BACE2: variants seen among roughly 807,000 people sequenced by gnomAD.
The protein encoded by BACE2 is beta-secretase 2, also known as 56 kDa aspartic-like protease.
Under a neutral mutation model 46.2 loss-of-function variants are expected in BACE2, and 17 were observed. The ratio of observed to expected loss-of-function variants is 0.37; its 90% confidence interval spans 0.25 to 0.55. The LOEUF is 0.55. Among genes scored for constraint, BACE2 ranks in the 20% least tolerant of loss-of-function variants. The probability of loss-of-function intolerance (pLI) is 0.82; values close to 1 mark genes in which losing one functional copy is unlikely to be tolerated. For missense variants in BACE2, 595 were observed against 698.1 expected, an observed-to-expected ratio of 0.85 and a Z score of 1.66; for synonymous variants, 277 against 295.9, an observed-to-expected ratio of 0.94 and a Z score of 0.66.
At chr21:41,268,596 C>T (rs940397351) in intron 8 of BACE2, among the ~76,000 whole-genome samples, 1 of 152,076 alleles carries the variant, frequency 6.6e-6, no homozygotes, top group Non-Finnish European at 1.5e-5. Flanking sequence ...AAAACAAAAT[C>T]CATGACTCTT....
At chr21:41,226,459 G>A in intron 2 of BACE2, 105 bp downstream of exon 2, 1 of 982,530 alleles carries the variant, frequency 1.0e-6, no homozygotes. Flanking sequence ...TTCATTTTAA[G>A]GGGGATACCA....
chr21:41,264,589 GGA>G (rs138828726), intron 8 of BACE2, among the ~76,000 whole-genome samples: 3 of 151,052 alleles, frequency 2.0e-5, no homozygotes, highest in Non-Finnish European at 4.4e-5. Flanking sequence ...CCAGAGCAAG[GGA>G]GAGAGAGAGA....
Position 41,243,359 on chromosome 21 carries a change from A to G in BACE2, c.748-17A>G, listed in dbSNP as rs1358301022. ...GTGTATTTTTTCTCTTATACCTGTA[A>G]ATATTTCCTGTCCCAGGTCTTGGGT... On this transcript the variant is annotated splice_polypyrimidine_tract_variant and intron_variant, in intron 4 of 8. Transcript: ENST00000330333. The G allele has an allele frequency of 1.3e-6, 2 of 1,580,322 alleles. No homozygotes were observed. Among genetic ancestry groups the G allele is most frequent in the Non-Finnish European group, 1.7e-6 (2 of 1,164,380 alleles).
chr21:41,213,445 G>A (rs1299237616), intron 1 of BACE2, among the ~76,000 whole-genome samples: 2 of 152,062 alleles, frequency 1.3e-5, no homozygotes, highest in Admixed American at 6.6e-5. Flanking sequence ...AACAAAATAA[G>A]GAATATCAAA....
chr21:41,225,517 C>T (rs1056873930), intron 1 of BACE2: 1 of 152,170 alleles, frequency 6.6e-6, no homozygotes, highest in African/African-American at 2.4e-5. Context: ...AACAAACACA[C>T]AGAAGCCTAC....
chr21:41,190,869 C>T (rs1048868640), intron 1 of BACE2, among the ~76,000 whole-genome samples: 1 of 152,210 alleles, frequency 6.6e-6, no homozygotes. Context: ...TAACTCCCAT[C>T]TTAGCCTGTT....
intron 2 of BACE2, among the ~76,000 whole-genome samples, chr21:41,231,300 A>G (rs1317884393): frequency 1.3e-5 from 2 of 152,186 alleles, no homozygotes; most frequent in Non-Finnish European, 2.9e-5. Flanking sequence ...AGGGGGTCTC[A>G]TGCATTCAGG....
At chr21:41,195,132 A>G (rs888741817) in intron 1 of BACE2, among the ~76,000 whole-genome samples, 1 of 152,228 alleles carries the variant, frequency 6.6e-6, no homozygotes, top group Non-Finnish European at 1.5e-5. Context: ...TTGGAACACA[A>G]CCATGCTGGG....
intron 2 of BACE2, among the ~76,000 whole-genome samples, chr21:41,226,948 GA>G (rs1259203060): frequency 5.9e-5 from 9 of 151,962 alleles, no homozygotes; most frequent in Non-Finnish European, 1.3e-4. Flanking sequence ...GTGGAGTTGA[GA>G]AAAAAAAGTG....
At chr21:41,275,136 C>T (rs1410881384) in intron 8 of BACE2, among the ~76,000 whole-genome samples, 3 of 152,138 alleles carry the variant, frequency 2.0e-5, no homozygotes, top group Non-Finnish European at 4.4e-5. Flanking sequence ...CCCTCCACAC[C>T]TAGGCTCGGT....
chr21:41,232,561 G>A (rs1031554353), intron 2 of BACE2, among the ~76,000 whole-genome samples: 6 of 152,180 alleles, frequency 3.9e-5, no homozygotes, highest in Admixed American at 2.6e-4. Flanking sequence ...TGAATGGCTT[G>A]TTGCTCTCAT....
intron 5 of BACE2, among the ~76,000 whole-genome samples, chr21:41,245,093 ATGAAC>A: frequency 6.6e-6 from 1 of 152,192 alleles, no homozygotes; most frequent in South Asian, 2.1e-4. Context: ...TGAAAATTTT[ATGAAC>A]ACGCTAAGTT....
intron 8 of BACE2, among the ~76,000 whole-genome samples, chr21:41,261,863 T>G (rs1020814224): frequency 3.9e-5 from 6 of 152,182 alleles, no homozygotes; most frequent in African/African-American, 1.4e-4. Flanking sequence ...CTGTTCTGCA[T>G]GTCAACCATC....
chr21:41,246,930 A>G (rs1004148581), intron 6 of BACE2, among the ~76,000 whole-genome samples: 8 of 152,312 alleles, frequency 5.3e-5, no homozygotes, highest in African/African-American at 1.9e-4. Context: ...TGGAGCTTCC[A>G]TGAAACATGC....
chr21:41,194,379 G>A (rs1985672442), intron 1 of BACE2, among the ~76,000 whole-genome samples: 2 of 152,094 alleles, frequency 1.3e-5, no homozygotes, highest in South Asian at 2.1e-4. Context: ...ATATCAGCTG[G>A]GTGACTGAAT....
intron 1 of BACE2, among the ~76,000 whole-genome samples, chr21:41,195,133 C>T (rs537537359): frequency 6.6e-6 from 1 of 152,240 alleles, no homozygotes; most frequent in Non-Finnish European, 1.5e-5. Flanking sequence ...TGGAACACAA[C>T]CATGCTGGGG....
intron 1 of BACE2, chr21:41,182,843 C>G (rs1985188894): frequency 6.0e-6 from 1 of 167,024 alleles, no homozygotes; most frequent in Non-Finnish European, 1.5e-5. Flanking sequence ...TAAAATTACT[C>G]TTTCTTTATA....
chr21:41,188,663 G>A (rs968644018), intron 1 of BACE2, among the ~76,000 whole-genome samples: 2 of 152,242 alleles, frequency 1.3e-5, no homozygotes, highest in African/African-American at 4.8e-5. Flanking sequence ...GATTGCCTGA[G>A]CTAAGGGCAG....
rs995095274 is a variant in BACE2, at chr21:41,280,167, A to C, written c.*4543A>C. On this transcript the variant is annotated 3_prime_UTR_variant, in exon 9 of 9. Transcript: ENST00000330333. ...CCCACGCAGGACACAGGCAGGTTCA[A>C]GGTCATGCACCTGGAAATTTGTAGG... 2 of 152,396 alleles carry C rather than the reference A, an allele frequency of 1.3e-5. No individual in the cohort carries two copies. The highest frequency in any genetic ancestry group is 4.8e-5 in the African/African-American group (2 of 41,454). 9.4% of individuals were successfully genotyped at this position (152,396 alleles called of 1,614,324 possible). A position where few individuals can be genotyped will look rare whatever the true frequency, so the allele number is the denominator to read the frequency against.
Sources: allele counts gnomAD v4.1 joint callset (sites outside exome capture counted in the v4.1 genomes callset), GRCh38; gene constraint gnomAD v4.1.1; transcripts MANE v1.5; gene names NCBI Gene and HGNC (gene_info 2026-07-23, HGNC 2026-07-21).